Variants in CEP128 observed in about 807,000 individuals in gnomAD.
CEP128 encodes the protein centrosomal protein 128kDa.
A neutral mutation model predicts 156.7 loss-of-function variants in CEP128; 132 were observed. The observed-to-expected ratio is 0.84, with a 90% CI of 0.73 to 0.97. The LOEUF (loss-of-function observed/expected upper bound fraction) is 0.97, where lower values mean the gene tolerates loss of function less well. Among genes scored for constraint, CEP128 ranks in the 50% least tolerant of loss-of-function variants. The pLI, the probability that CEP128 is intolerant of heterozygous loss-of-function variation, is 0.00. For missense variants in CEP128, 1,252 were observed against 1,281.9 expected, an observed-to-expected ratio of 0.98 and a Z score of 0.36; for synonymous variants, 469 against 448.9, an observed-to-expected ratio of 1.04 and a Z score of -0.57.
chr14:80,942,810 C>G (rs1886222096), upstream of CEP128, among the ~76,000 whole-genome samples: 1 of 152,056 alleles, frequency 6.6e-6, no homozygotes, highest in Non-Finnish European at 1.5e-5. Flanking sequence ...CCCCCTTTCT[C>G]TCCTTCCATC....
At chr14:80,946,420 T>A (rs1376263217), upstream of CEP128, among the ~76,000 whole-genome samples, 1 of 143,396 alleles carries the variant, frequency 7.0e-6, no homozygotes, top group Non-Finnish European at 1.5e-5. Flanking sequence ...TAAGATTAGT[T>A]CTGTTGATTG....
rs200780182 is a variant in CEP128, at chr14:80,537,681, TC to T, written c.2881-6796del. On this transcript the variant is annotated intron_variant, in intron 21 of 24. Transcript: ENST00000555265. The stretch of plus-strand genomic sequence containing the variant: ...TTCAGAGCGTTTGCAAAAAAACAAT[TC>T]TTTTTAAGTGATTGCATGTTAAAAT... Among the ~76,000 whole-genome samples, 247 of 152,238 alleles carry T rather than the reference TC, an allele frequency of 1.6e-3. 8 individuals are homozygous for T. In the East Asian group the frequency reaches 0.043, roughly 26 times the overall value.
At chr14:80,880,910 T>G (rs2556614) in intron 8 of CEP128, among the ~76,000 whole-genome samples, 69,383 of 142,100 alleles carry the variant, frequency 0.49, 17,872 homozygotes, top group African/African-American at 0.62. Flanking sequence ...ATAATAATAA[T>G]TTCAGTAAAG....
intron 19 of CEP128, among the ~76,000 whole-genome samples, chr14:80,720,766 T>A (rs747596904): frequency 6.6e-6 from 1 of 152,208 alleles, no homozygotes; most frequent in Non-Finnish European, 1.5e-5. Flanking sequence ...ACGAAGTATC[T>A]AAGCAATGCA....
At chr14:80,538,069 GTACT>G (rs992227215) in intron 21 of CEP128, among the ~76,000 whole-genome samples, 7 of 152,024 alleles carry the variant, frequency 4.6e-5, no homozygotes, top group African/African-American at 1.7e-4. Context: ...TGACTATCAA[GTACT>G]TACTTGTGAT....
At chr14:80,859,864 G>C (rs1887428984) in intron 9 of CEP128, among the ~76,000 whole-genome samples, 1 of 152,148 alleles carries the variant, frequency 6.6e-6, no homozygotes, top group South Asian at 2.1e-4. Context: ...ACCACAGAAT[G>C]CCTCCCTGTA....
chr14:80,495,674 T>C (rs1229925547), downstream of CEP128, among the ~76,000 whole-genome samples: 1 of 152,180 alleles, frequency 6.6e-6, no homozygotes, highest in African/African-American at 2.4e-5. Context: ...GTGCAATTTT[T>C]TTTAAATGAC....
At chr14:80,900,150 T>G in intron 6 of CEP128, 121 bp from the exon 7 acceptor site, 1 of 619,752 alleles carries the variant, frequency 1.6e-6, no homozygotes, top group East Asian at 2.8e-5. Flanking sequence ...GTAATATTAT[T>G]ATGAAAGAAA....
At chr14:80,679,577 C>G (rs1310519836) in intron 19 of CEP128, among the ~76,000 whole-genome samples, 3 of 152,158 alleles carry the variant, frequency 2.0e-5, no homozygotes, top group Admixed American at 2.0e-4. Context: ...CTCTCAAACC[C>G]TGTTTCCTGT....
chr14:80,648,835 A>C (rs1420004185), intron 19 of CEP128, among the ~76,000 whole-genome samples: 1 of 152,100 alleles, frequency 6.6e-6, no homozygotes, highest in African/African-American at 2.4e-5. Context: ...GTGACCTTAT[A>C]ATTTTTGTGG....
chr14:80,957,717 G>A (rs1334106017), intron 2 of CEP128: 1 of 152,224 alleles, frequency 6.6e-6, no homozygotes, highest in Non-Finnish European at 1.5e-5. Context: ...TGGAACAGGA[G>A]TCAGGAAACC....
rs575287732 is a variant in CEP128 at position 80,514,363 on chromosome 14, T to C, written c.3073-9343A>G. On this transcript the variant is annotated intron_variant, in intron 23 of 24. Coordinates refer to ENST00000555265, the MANE Select transcript of CEP128 (RefSeq NM_152446.5). ...CAAATATTTTACAAAGTCTGACTCT[T>C]TTCATCAACAGAGGCTATTTTCTAG... 2.0e-5 allele frequency among the ~76,000 whole-genome samples: 3 copies of C among 152,274 alleles called. No individual in the cohort carries two copies. In the South Asian group the frequency reaches 6.2e-4, roughly 32 times the overall value.
In CEP128 at chr14:80,786,937, G is replaced by A. The variant is rs193188631; in HGVS notation, c.1561-1392C>T. On this transcript the variant is annotated intron_variant, in intron 14 of 24. Coordinates refer to ENST00000555265, the MANE Select transcript of CEP128 (RefSeq NM_152446.5). ...AGCCTGGGCAACATAGCAAGACCCC[G>A]TCTCTACTGTGAAAAGACGGGATAA... Among the ~76,000 whole-genome samples the A allele has an allele frequency of 5.0e-4, 76 of 152,208 alleles. 1 individual carries two copies. The East Asian group carries it at 0.013, about 26-fold the overall frequency.
chr14:80,591,955 C>T (rs543232148), intron 19 of CEP128, among the ~76,000 whole-genome samples: 1 of 152,174 alleles, frequency 6.6e-6, no homozygotes, highest in South Asian at 2.1e-4. Context: ...TGTTTGAAAC[C>T]AATGAGAACA....
intron 13 of CEP128, among the ~76,000 whole-genome samples, chr14:80,802,078 C>T (rs150530436): frequency 1.3e-5 from 2 of 152,094 alleles, no homozygotes; most frequent in East Asian, 3.9e-4. Flanking sequence ...AACACTTTTA[C>T]ACTGTTGGTA....
intron 20 of CEP128, among the ~76,000 whole-genome samples, chr14:80,568,206 G>T (rs999659680): frequency 6.6e-6 from 1 of 152,034 alleles, no homozygotes; most frequent in South Asian, 2.1e-4. Context: ...TTCCCCGAAG[G>T]GCACATATCT....
chr14:80,715,040 T>C (rs1308830866), intron 19 of CEP128, among the ~76,000 whole-genome samples: 1 of 152,072 alleles, frequency 6.6e-6, no homozygotes, highest in African/African-American at 2.4e-5. Flanking sequence ...CTGGGCAACA[T>C]GGTGAAACTC....
At chr14:80,844,836 G>A (rs1400469033) in intron 9 of CEP128, among the ~76,000 whole-genome samples, 2 of 151,182 alleles carry the variant, frequency 1.3e-5, no homozygotes, top group Non-Finnish European at 2.9e-5. Flanking sequence ...GAATTATCTT[G>A]GTGGAAGAGA....
chr14:80,558,146 C>T (rs989031013), intron 21 of CEP128, among the ~76,000 whole-genome samples: 1 of 151,818 alleles, frequency 6.6e-6, no homozygotes, highest in Admixed American at 6.6e-5. Context: ...TTTTATATGC[C>T]TATATGTCAT....
Sources: allele counts gnomAD v4.1 joint callset (sites outside exome capture counted in the v4.1 genomes callset), GRCh38; gene constraint gnomAD v4.1.1; transcripts MANE v1.5; gene names NCBI Gene and HGNC (gene_info 2026-07-23, HGNC 2026-07-21).